NCKAP5: variants seen among roughly 807,000 people sequenced by gnomAD.
NCKAP5 encodes NCK associated protein 5.
A neutral mutation model predicts 167.0 loss-of-function variants in NCKAP5; 92 were observed. That is an observed-to-expected ratio of 0.55 (90% CI 0.47 to 0.66). NCKAP5 has a LOEUF of 0.66. NCKAP5 is among the 30% of genes least tolerant of loss of function. NCKAP5 has a pLI of 0.00. For missense variants in NCKAP5, 2,378 were observed against 2,315.0 expected (o/e 1.03, Z -0.56); for synonymous variants, 891 against 877.4 (o/e 1.02, Z -0.27).
the NCKAP5 span, among the ~76,000 whole-genome samples, chr2:133,584,388 G>A: frequency 1.3e-5 from 2 of 152,196 alleles, no homozygotes; most frequent in Non-Finnish European, 2.9e-5. Context: ...CTGACAAAGG[G>A]CCAGGCAGGG....
At position 132,785,619 on chromosome 2, in the gene NCKAP5, C is replaced by T. The variant is rs752207892; in HGVS notation, c.1192G>A (p.Glu398Lys). Reference protein sequence around the residue: ...TNELPPTRIKESHILEGLRKL... With the variant: ...TNELPPTRIKKSHILEGLRKL... ...CTTAGCCCTTCCAAAATGTGGCTTT[C>T]CTTGATACGAGTTGGAGGTAGTTCA... Residue 398 changes from glutamate (E) to lysine (K), a missense_variant, in exon 14 of 20, where the codon GAA becomes AAA. Glu to Lys is a moderately conservative substitution (Grantham distance 56, BLOSUM62 1). Around this residue, in one of 3 missense-constraint regions of NCKAP5, gnomAD observed 1,049 missense variants for 1,023.4 expected, o/e 1.02. Transcript: ENST00000409261. The T allele has an allele frequency of 2.6e-5, 40 of 1,563,934 alleles. 1 individual carries two copies. In the South Asian group the frequency reaches 4.9e-4, roughly 19 times the overall value.
chr2:133,340,053 G>A lies in NCKAP5; in HGVS notation c.70-36943C>T, dbSNP rs117756537. Among the ~76,000 whole-genome samples, 29 of 152,264 alleles carry A rather than the reference G, an allele frequency of 1.9e-4. 1 individual carries two copies. The East Asian group carries it at 5.6e-3, about 29-fold the overall frequency. ...CCCTACAGACACTCTCTTCACTGGAGTTCTCAAAATATATGATCCCTGGCC... is the reference window on the plus strand; with the variant it reads ...CCCTACAGACACTCTCTTCACTGGAATTCTCAAAATATATGATCCCTGGCC... On this transcript the variant is annotated intron_variant, in intron 3 of 19. Coordinates refer to ENST00000409261, the MANE Select transcript of NCKAP5 (RefSeq NM_207363.3).
At chr2:133,154,031 G>A (rs1216846093) in intron 5 of NCKAP5, among the ~76,000 whole-genome samples, 17 of 151,698 alleles carry the variant, frequency 1.1e-4, no homozygotes, top group African/African-American at 2.7e-4. Context: ...TAGTAGAGAC[G>A]GGGTTTTGCC....
intron 3 of NCKAP5, among the ~76,000 whole-genome samples, chr2:133,436,596 CAG>C (rs2151145034): frequency 6.6e-6 from 1 of 152,296 alleles, no homozygotes; most frequent in African/African-American, 2.4e-5. Flanking sequence ...TCCCCACCTG[CAG>C]GTGCCTTTTC....
At chr2:132,689,905 G>T (rs80023304) in intron 19 of NCKAP5, among the ~76,000 whole-genome samples, 4,905 of 152,116 alleles carry the variant, frequency 0.032, 135 homozygotes, top group Non-Finnish European at 0.048. Context: ...GTCTGCTAAT[G>T]GTGTAGTCAT....
chr2:132,986,988 G>C (rs1163614168), intron 7 of NCKAP5, among the ~76,000 whole-genome samples: 1 of 152,174 alleles, frequency 6.6e-6, no homozygotes. Context: ...GGCTGGACAG[G>C]TGATCGAGGC....
the NCKAP5 span, among the ~76,000 whole-genome samples, chr2:133,598,019 G>T: frequency 1.4e-3 from 211 of 152,308 alleles, 1 homozygote; most frequent in African/African-American, 4.9e-3. Context: ...GCTCCAGGTA[G>T]TGTGACTAAG....
At chr2:133,481,059 T>C (rs1046550218) in intron 3 of NCKAP5, among the ~76,000 whole-genome samples, 3 of 152,184 alleles carry the variant, frequency 2.0e-5, no homozygotes, top group Non-Finnish European at 4.4e-5. Flanking sequence ...ATCATACCAT[T>C]GGATAATAGA....
chr2:133,323,440 T>G (rs1336231314), intron 3 of NCKAP5, among the ~76,000 whole-genome samples: 1 of 152,208 alleles, frequency 6.6e-6, no homozygotes, highest in Non-Finnish European at 1.5e-5. Context: ...CATCCTTTGT[T>G]GGAGAAGCTG....
At chr2:133,522,934 G>A (rs556150167) in intron 2 of NCKAP5, among the ~76,000 whole-genome samples, 13 of 152,248 alleles carry the variant, frequency 8.5e-5, no homozygotes, top group African/African-American at 2.9e-4. Context: ...CCTTCCCTCC[G>A]TGGGGAAGAA....
intron 6 of NCKAP5, among the ~76,000 whole-genome samples, chr2:133,050,928 C>A (rs116599642): frequency 0.011 from 1,620 of 152,242 alleles, 25 homozygotes; most frequent in African/African-American, 0.038. Flanking sequence ...GAAGTATATG[C>A]GCGACTGAAC....
At chr2:133,072,133 G>A (rs2149557337) in intron 6 of NCKAP5, among the ~76,000 whole-genome samples, 2 of 150,836 alleles carry the variant, frequency 1.3e-5, no homozygotes, top group East Asian at 3.9e-4. Context: ...TGCCCAGGCT[G>A]GAGTGCAATG....
rs1044773158 is a variant in NCKAP5 at position 132,874,859 on chromosome 2, C to T, written c.648+3989G>A. On this transcript the variant is annotated intron_variant, in intron 9 of 19. Transcript: ENST00000409261. The stretch of plus-strand genomic sequence containing the variant: ...CCACACATCTTTCTGATGCAAAGGG[C>T]TCCCAGAAACACACCTTGAGAAACA... Among the ~76,000 whole-genome samples the T allele has an allele frequency of 2.0e-5, 3 of 152,120 alleles. No homozygotes were observed. In the East Asian group the frequency reaches 5.8e-4, roughly 29 times the overall value.
chr2:133,349,974 C>T (rs948837608), intron 3 of NCKAP5, among the ~76,000 whole-genome samples: 5 of 152,150 alleles, frequency 3.3e-5, no homozygotes, highest in Non-Finnish European at 7.3e-5. Flanking sequence ...GCAGAGATTT[C>T]CGTGTACCTT....
At chr2:132,716,645 G>T (rs561623070) in intron 19 of NCKAP5, among the ~76,000 whole-genome samples, 1 of 152,066 alleles carries the variant, frequency 6.6e-6, no homozygotes, top group East Asian at 1.9e-4. Context: ...AAACTCTGGG[G>T]GGCATCTCTT....
At chr2:133,124,886 A>C (rs897134605) in intron 6 of NCKAP5, among the ~76,000 whole-genome samples, 2 of 152,114 alleles carry the variant, frequency 1.3e-5, no homozygotes, top group Admixed American at 1.3e-4. Context: ...CGTCTACCAC[A>C]ATTACAAAAA....
the NCKAP5 span, among the ~76,000 whole-genome samples, chr2:133,647,545 G>C: frequency 1.8e-5 from 2 of 113,776 alleles, no homozygotes; most frequent in African/African-American, 7.4e-5. Context: ...AGGAGGGAGG[G>C]AGGGAGGAAG....
chr2:133,456,811 C>T (rs1691891770), intron 3 of NCKAP5, among the ~76,000 whole-genome samples: 1 of 152,094 alleles, frequency 6.6e-6, no homozygotes, highest in African/African-American at 2.4e-5. Context: ...GATACTTGGC[C>T]AAAGGAAAGT....
At chr2:132,967,049 G>A (rs145656776) in intron 7 of NCKAP5, among the ~76,000 whole-genome samples, 4 of 152,082 alleles carry the variant, frequency 2.6e-5, no homozygotes, top group Non-Finnish European at 4.4e-5. Flanking sequence ...GTATGTTCAC[G>A]AATGACCACA....
Sources: allele counts gnomAD v4.1 joint callset (sites outside exome capture counted in the v4.1 genomes callset), GRCh38; gene constraint gnomAD v4.1.1; regional missense constraint gnomAD v4.1.1; transcripts MANE v1.5; gene names NCBI Gene and HGNC (gene_info 2026-07-23, HGNC 2026-07-21).